The following TNIP1 variants were observed in gnomAD, a reference collection of about 807,000 sequenced individuals.
TNIP1 encodes TNFAIP3-interacting protein 1.
In TNIP1, 22 loss-of-function variants were observed where a neutral mutation model predicts 86.6. That is an observed-to-expected ratio of 0.25 (90% CI 0.18 to 0.36). The LOEUF (loss-of-function observed/expected upper bound fraction) is 0.36. Ranked by LOEUF, TNIP1 falls within the 10% of genes least tolerant of loss-of-function variation. TNIP1 has a pLI of 1.00. For synonymous variants in TNIP1, 294 were observed against 313.0 expected, an observed-to-expected ratio of 0.94 and a Z score of 0.64; for missense variants, 709 against 820.6, an observed-to-expected ratio of 0.86 and a Z score of 1.66.
chr5:151,073,305 A>C (rs6869605), intron 1 of TNIP1, among the ~76,000 whole-genome samples: 34,846 of 151,718 alleles, frequency 0.23, 5,748 homozygotes, highest in African/African-American at 0.48. Context: ...ATTCAGTAAT[A>C]CCCTATCTAG....
chr5:151,083,223 A>G (rs867769080), upstream of TNIP1, among the ~76,000 whole-genome samples: 1 of 152,212 alleles, frequency 6.6e-6, no homozygotes, highest in Admixed American at 6.5e-5. Flanking sequence ...TGTCTGGAAA[A>G]TGGGGGATAA....
chr5:151,054,268 C>A (rs1412783767), intron 6 of TNIP1, among the ~76,000 whole-genome samples: 2 of 152,134 alleles, frequency 1.3e-5, no homozygotes, highest in African/African-American at 4.8e-5. Context: ...GTTGTGTAAC[C>A]CAGGGAGATT....
chr5:151,052,350 AC>A, intron 6 of TNIP1, 91 bp from the exon 7 acceptor site: 1 of 1,054,048 alleles, frequency 9.5e-7, no homozygotes, highest in Non-Finnish European at 1.4e-6. Context: ...GCCTGTAGCC[AC>A]CCCAGGGCCC....
chr5:151,069,567 C>G (rs1762606508), intron 1 of TNIP1, among the ~76,000 whole-genome samples: 1 of 152,092 alleles, frequency 6.6e-6, no homozygotes, highest in Non-Finnish European at 1.5e-5. Context: ...AACCCTGGAG[C>G]AGGTGATGCC....
intron 5 of TNIP1, among the ~76,000 whole-genome samples, chr5:151,058,343 T>C (rs768142452): frequency 6.6e-5 from 10 of 152,222 alleles, no homozygotes; most frequent in African/African-American, 9.6e-5. Flanking sequence ...GTACAGTATG[T>C]AAGAAATAAA....
chr5:151,086,301 A>T (rs914998923), intron 1 of TNIP1, among the ~76,000 whole-genome samples: 8 of 152,212 alleles, frequency 5.3e-5, no homozygotes, highest in African/African-American at 1.7e-4. Flanking sequence ...CTAAGTGATC[A>T]AAGAGGAAGC....
At chr5:151,046,919 G>A (rs1427689459) in intron 8 of TNIP1, among the ~76,000 whole-genome samples, 1 of 152,210 alleles carries the variant, frequency 6.6e-6, no homozygotes, top group African/African-American at 2.4e-5. Context: ...ATTAATAAGT[G>A]TAGGAAGAAT....
upstream of TNIP1, among the ~76,000 whole-genome samples, chr5:151,084,164 A>G (rs1764185318): frequency 6.6e-6 from 1 of 152,184 alleles, no homozygotes; most frequent in Non-Finnish European, 1.5e-5. Flanking sequence ...CAACCCAGGC[A>G]GGGCATGCCG....
intron 1 of TNIP1, among the ~76,000 whole-genome samples, chr5:151,072,089 TAAGTC>T (rs1282775209): frequency 6.6e-6 from 1 of 152,112 alleles, no homozygotes; most frequent in African/African-American, 2.4e-5. Context: ...TCAGAGAAGT[TAAGTC>T]ATTTGCCTGA....
intron 1 of TNIP1, among the ~76,000 whole-genome samples, chr5:151,075,591 T>G (rs1457283439): frequency 2.0e-5 from 3 of 152,250 alleles, no homozygotes; most frequent in Non-Finnish European, 2.9e-5. Context: ...AATGCAGCAT[T>G]TGGTTTTCTG....
At position 151,033,595 on chromosome 5, in the gene TNIP1, GAC is replaced by G. The variant is rs770400306; in HGVS notation, c.1779+11_1779+12del. 7.4e-7 allele frequency: 1 copy of G among 1,348,792 alleles called. No individual in the cohort carries two copies. Among genetic ancestry groups the G allele is most frequent in the South Asian group, 1.8e-5 (1 of 55,816 alleles). 83.6% of individuals were successfully genotyped at this position (1,348,792 alleles called of 1,614,324 possible). On this transcript the variant is annotated intron_variant, in intron 16 of 17. Coordinates refer to ENST00000521591, the MANE Select transcript of TNIP1 (RefSeq NM_006058.5). The stretch of plus-strand genomic sequence containing the variant: ...TGTGTGTGCCCTGGAGCAAGGGAGG[GAC>G]ACAGACTCACCAGATGGAAGAGGCG...
chr5:151,039,622 C>T lies in TNIP1; in HGVS notation c.1135-397G>A, dbSNP rs539023207. 2.6e-5 allele frequency among the ~76,000 whole-genome samples: 4 copies of T among 152,116 alleles called. 1 individual carries two copies. The highest frequency in any genetic ancestry group is 7.2e-5 in the African/African-American group (3 of 41,498). On this transcript the variant is annotated intron_variant, in intron 11 of 17. Transcript: ENST00000521591. ...GGCCTGTGAGCCCCAAAACTGAATG[C>T]GAAATTTTGTTGTGTGTAATCTGCT...
intron 1 of TNIP1, among the ~76,000 whole-genome samples, chr5:151,076,837 G>C (rs1763453844): frequency 6.6e-6 from 1 of 152,136 alleles, no homozygotes; most frequent in Non-Finnish European, 1.5e-5. Flanking sequence ...AGGGGCACTG[G>C]GGCTGTTGAG....
At chr5:151,032,457 A>G (rs1757031985) in intron 16 of TNIP1, 74 bp from the exon 17 acceptor site, 1 of 1,402,552 alleles carries the variant, frequency 7.1e-7, no homozygotes, top group Non-Finnish European at 9.9e-7. Flanking sequence ...TGCCAGGACA[A>G]TACTAAATCT....
intron 1 of TNIP1, among the ~76,000 whole-genome samples, chr5:151,073,137 G>A (rs1476255131): frequency 3.3e-5 from 5 of 151,372 alleles, no homozygotes; most frequent in South Asian, 4.2e-4. Context: ...TAGGAGAATC[G>A]CTTGAACTTG....
intron 1 of TNIP1, among the ~76,000 whole-genome samples, chr5:151,079,664 T>C (rs1763785126): frequency 6.6e-6 from 1 of 152,126 alleles, no homozygotes; most frequent in African/African-American, 2.4e-5. Context: ...ATGTAAGCAC[T>C]GTGCCTGGCA....
intron 11 of TNIP1, among the ~76,000 whole-genome samples, chr5:151,040,745 G>A (rs1162639278): frequency 6.6e-6 from 1 of 152,168 alleles, no homozygotes; most frequent in East Asian, 1.9e-4. Context: ...GCTCAAATAA[G>A]GCCCCTGGTG....
At chr5:151,052,761 C>G (rs1760118863) in intron 6 of TNIP1, among the ~76,000 whole-genome samples, 1 of 151,820 alleles carries the variant, frequency 6.6e-6, no homozygotes, top group Non-Finnish European at 1.5e-5. Flanking sequence ...CTGCTGTTTT[C>G]TTAATATCTA....
At chr5:151,084,875 G>A (rs1764220515), upstream of TNIP1, among the ~76,000 whole-genome samples, 1 of 152,174 alleles carries the variant, frequency 6.6e-6, no homozygotes, top group Middle Eastern at 3.2e-3. Flanking sequence ...AGATTTTGGT[G>A]ATAGTTAAAT....
Sources: gnomAD v4.1 joint callset for allele counts (sites outside exome capture counted in the v4.1 genomes callset) on GRCh38, gnomAD v4.1.1 for gene constraint, MANE v1.5 for transcripts, NCBI Gene and HGNC (gene_info 2026-07-23, HGNC 2026-07-21) for gene names.